TRAPPC8: variants seen among roughly 807,000 people sequenced by gnomAD.
The protein encoded by TRAPPC8 is general sporulation gene 1 homolog.
TRAPPC8 carries 54 observed loss-of-function variants against 174.3 expected under a neutral mutation model. The observed-to-expected ratio is 0.31, with a 90% CI of 0.25 to 0.39. The LOEUF (loss-of-function observed/expected upper bound fraction) is 0.39, where lower values mean the gene tolerates loss of function less well. Ranked by LOEUF, TRAPPC8 falls within the 10% of genes least tolerant of loss-of-function variation. The pLI is 1.00. For synonymous variants in TRAPPC8, 630 were observed against 579.9 expected, an observed-to-expected ratio of 1.09 and a Z score of -1.24; for missense variants, 1,531 against 1,699.1, an observed-to-expected ratio of 0.90 and a Z score of 1.74.
rs966956689 is a variant in TRAPPC8 at position 31,864,503 on chromosome 18, TTAATAA to T, written c.2745+118_2745+123del. 6 of 893,368 alleles carry T rather than the reference TTAATAA, an allele frequency of 6.7e-6. No homozygotes were observed. In the South Asian group the frequency reaches 1.2e-4, roughly 18 times the overall value. The allele number at this position is 893,368 out of a possible 1,614,324, so 55.3% of individuals were successfully genotyped here. A position where few individuals can be genotyped will look rare whatever the true frequency, so the allele number is the denominator to read the frequency against. ...TGAATTAAATATATTTAACACTAGC[TTAATAA>T]TAATTTAAAAGTATAGTTCAATGTA... On this transcript the variant is annotated intron_variant, in intron 19 of 28. Transcript: ENST00000283351.
At chr18:31,843,202 T>C (rs1161292249) in intron 26 of TRAPPC8, among the ~76,000 whole-genome samples, 6 of 152,172 alleles carry the variant, frequency 3.9e-5, no homozygotes. Flanking sequence ...AGAGAAATTA[T>C]AATTCCTTTC....
At chr18:31,866,100 G>C (rs147934698) in intron 18 of TRAPPC8, among the ~76,000 whole-genome samples, 8 of 152,088 alleles carry the variant, frequency 5.3e-5, no homozygotes, top group African/African-American at 1.9e-4. Context: ...TTTTGTAAAT[G>C]CTAAATTCAT....
At chr18:31,914,066 G>C (rs1276186474) in intron 4 of TRAPPC8, among the ~76,000 whole-genome samples, 3 of 150,478 alleles carry the variant, frequency 2.0e-5, no homozygotes, top group Non-Finnish European at 4.4e-5. Context: ...AGGAGGCTGA[G>C]GTGGGAAGAC....
At chr18:31,852,947 G>A in intron 22 of TRAPPC8, 1 of 331,034 alleles carries the variant, frequency 3.0e-6, no homozygotes. Context: ...CAGAACACAG[G>A]GACTGGAAAG....
rs780529328 is a variant in TRAPPC8, at chr18:31,871,086, A to T, written c.2097T>A (p.Asp699Glu). The T allele has an allele frequency of 1.9e-5, 31 of 1,594,706 alleles. No individual in the cohort carries two copies. Among genetic ancestry groups the T allele is most frequent in the African/African-American group, 2.7e-5 (2 of 74,480 alleles). Residue 699 changes from aspartate to glutamate, a missense_variant, in exon 15 of 29, where the codon GAT becomes GAA. Transcript: ENST00000283351. ...EKQAATHVSL[D>E]QEYDSESSQQ... is the part of the protein sequence containing the mutation. ...GAGAGGATTCAGAATCATATTCTTG[A>T]TCAAGACTTACATGAGTAGCTGCTT...
intron 19 of TRAPPC8, among the ~76,000 whole-genome samples, chr18:31,861,524 A>G (rs2034318759): frequency 1.3e-5 from 2 of 152,354 alleles, no homozygotes; most frequent in African/African-American, 2.4e-5. Flanking sequence ...AGGCTTAAAC[A>G]ATGTAAAAGT....
At chr18:31,921,477 C>T (rs1159213250) in intron 2 of TRAPPC8, among the ~76,000 whole-genome samples, 1 of 151,804 alleles carries the variant, frequency 6.6e-6, no homozygotes, top group African/African-American at 2.4e-5. Context: ...TCTGGGTGGG[C>T]GGGGTGACAC....
At chr18:31,892,463 C>T (rs1238058865) in intron 11 of TRAPPC8, among the ~76,000 whole-genome samples, 2 of 151,876 alleles carry the variant, frequency 1.3e-5, no homozygotes, top group Non-Finnish European at 2.9e-5. Flanking sequence ...CCTAAATTAC[C>T]GATTGTTTCA....
chr18:31,867,602 CA>C, intron 16 of TRAPPC8, 126 bp from the exon 17 acceptor site: 1 of 595,512 alleles, frequency 1.7e-6, no homozygotes. Flanking sequence ...GTTTTTACCA[CA>C]TGCTGAGCTC....
rs548599105 is a variant in TRAPPC8 at position 31,836,734 on chromosome 18, G to A, written c.3983+2578C>T. On this transcript the variant is annotated intron_variant, in intron 27 of 28. Transcript: ENST00000283351. ...AATCAAACTGGAACCTCTGGGGGTAGGACTGAATGAAGCATCTTTCAGTCT... is the reference window on the plus strand; with the variant it reads ...AATCAAACTGGAACCTCTGGGGGTAAGACTGAATGAAGCATCTTTCAGTCT... Among the ~76,000 whole-genome samples, 28 of 150,452 alleles carry A rather than the reference G, an allele frequency of 1.9e-4. No individual in the cohort carries two copies. In the South Asian group the frequency reaches 5.7e-3, roughly 31 times the overall value.
At chr18:31,939,984 T>C (rs945745618) in intron 1 of TRAPPC8, among the ~76,000 whole-genome samples, 1 of 152,174 alleles carries the variant, frequency 6.6e-6, no homozygotes, top group Non-Finnish European at 1.5e-5. Context: ...TCCAATACAG[T>C]AGGCAACAGC....
intron 25 of TRAPPC8, among the ~76,000 whole-genome samples, chr18:31,848,132 A>G (rs1163038956): frequency 2.6e-5 from 4 of 152,138 alleles, no homozygotes; most frequent in Non-Finnish European, 5.9e-5. Context: ...CCATTGAGTA[A>G]ATTATAAACT....
At chr18:31,854,706 C>T (rs900345359) in intron 21 of TRAPPC8, among the ~76,000 whole-genome samples, 1 of 152,058 alleles carries the variant, frequency 6.6e-6, no homozygotes, top group Non-Finnish European at 1.5e-5. Flanking sequence ...CGGTGGCTCA[C>T]GCCTGTAATC....
At chr18:31,893,317 A>C (rs1035998072) in intron 11 of TRAPPC8, among the ~76,000 whole-genome samples, 2 of 152,158 alleles carry the variant, frequency 1.3e-5, no homozygotes, top group African/African-American at 4.8e-5. Context: ...ATATTACATC[A>C]AACTAAGAAA....
At chr18:31,927,268 C>A (rs372762997) in intron 2 of TRAPPC8, among the ~76,000 whole-genome samples, 1 of 151,892 alleles carries the variant, frequency 6.6e-6, no homozygotes, top group African/African-American at 2.4e-5. Flanking sequence ...CCACCACACC[C>A]AACTAATTTT....
chr18:31,858,600 T>C (rs1050587267), intron 19 of TRAPPC8, among the ~76,000 whole-genome samples: 3 of 152,236 alleles, frequency 2.0e-5, no homozygotes, highest in African/African-American at 7.2e-5. Context: ...TATTAATGTT[T>C]GGTTACTAGG....
intron 19 of TRAPPC8, among the ~76,000 whole-genome samples, chr18:31,859,626 T>C (rs1378689197): frequency 6.6e-6 from 1 of 152,158 alleles, no homozygotes; most frequent in Non-Finnish European, 1.5e-5. Flanking sequence ...ATTGGTAAAA[T>C]GGTAACAGTG....
chr18:31,901,084 T>C (rs992786207), intron 9 of TRAPPC8, 59 bp from the exon 10 acceptor site: 11 of 1,430,830 alleles, frequency 7.7e-6, no homozygotes, highest in Non-Finnish European at 1.9e-6. Context: ...ACAGTTTAGA[T>C]GGGAAACTAA....
chr18:31,906,558 C>A (rs918766515), intron 9 of TRAPPC8, among the ~76,000 whole-genome samples: 4 of 152,202 alleles, frequency 2.6e-5, no homozygotes, highest in African/African-American at 9.6e-5. Context: ...TTTTTCTTCA[C>A]TTTTGTTTAT....
Sources: gnomAD v4.1 joint callset for allele counts (sites outside exome capture counted in the v4.1 genomes callset) on GRCh38, gnomAD v4.1.1 for gene constraint, MANE v1.5 for transcripts, NCBI Gene and HGNC (gene_info 2026-07-23, HGNC 2026-07-21) for gene names.